The following C8orf74 variants were observed in gnomAD, a reference collection of about 807,000 sequenced individuals.
C8orf74 encodes chromosome 8 open reading frame 74, also known as uncharacterized protein C8orf74.
C8orf74 carries 29 observed loss-of-function variants against 22.2 expected under a neutral mutation model. That is an observed-to-expected ratio of 1.31 (90% CI 0.97 to 1.78). The LOEUF (loss-of-function observed/expected upper bound fraction) is 1.78, where lower values mean the gene tolerates loss of function less well. Among genes scored for constraint, C8orf74 ranks in the 40% most tolerant of loss-of-function variants. The pLI is 0.00. For synonymous variants in C8orf74, 255 were observed against 163.1 expected, an observed-to-expected ratio of 1.56 and a Z score of -4.30; for missense variants, 515 against 369.9, an observed-to-expected ratio of 1.39 and a Z score of -3.22.
intron 2 of C8orf74, among the ~76,000 whole-genome samples, chr8:10,687,634 A>T (rs866172309): frequency 1.3e-5 from 2 of 151,868 alleles, no homozygotes; most frequent in African/African-American, 2.4e-5. Flanking sequence ...AAAAAAAAAA[A>T]AAAGAAAGAG....
At chr8:10,678,832 G>T (rs143859793) in intron 2 of C8orf74, among the ~76,000 whole-genome samples, 2 of 152,148 alleles carry the variant, frequency 1.3e-5, no homozygotes, top group Admixed American at 1.3e-4. Context: ...GGCTCACCAC[G>T]GTGCCATTCA....
intron 2 of C8orf74, among the ~76,000 whole-genome samples, chr8:10,680,578 C>A (rs1277134705): frequency 1.3e-5 from 2 of 152,214 alleles, no homozygotes; most frequent in Non-Finnish European, 2.9e-5. Context: ...TGTCTACACC[C>A]TTTCTTGTCT....
intron 2 of C8orf74, among the ~76,000 whole-genome samples, chr8:10,678,287 G>A (rs1004958468): frequency 6.6e-6 from 1 of 152,178 alleles, no homozygotes; most frequent in African/African-American, 2.4e-5. Context: ...CTCTCCACCT[G>A]GGATTGTTAG....
At chr8:10,687,752 T>A (rs1799291414) in intron 2 of C8orf74, among the ~76,000 whole-genome samples, 1 of 152,090 alleles carries the variant, frequency 6.6e-6, no homozygotes, top group Non-Finnish European at 1.5e-5. Context: ...AAATTAGGAA[T>A]AACTTATTTT....
intron 2 of C8orf74, among the ~76,000 whole-genome samples, chr8:10,694,782 G>A (rs1799453791): frequency 6.6e-6 from 1 of 152,208 alleles, no homozygotes; most frequent in African/African-American, 2.4e-5. Flanking sequence ...ATGGGTGAAT[G>A]GATGGGTGGA....
chr8:10,697,085 C>A (rs1475661817), intron 2 of C8orf74, among the ~76,000 whole-genome samples: 1 of 151,832 alleles, frequency 6.6e-6, no homozygotes, highest in Non-Finnish European at 1.5e-5. Flanking sequence ...TAAGTTACTG[C>A]AAGTAAAAAA....
intron 2 of C8orf74, among the ~76,000 whole-genome samples, chr8:10,685,058 G>A (rs1478161114): frequency 1.3e-5 from 2 of 152,194 alleles, no homozygotes; most frequent in Non-Finnish European, 2.9e-5. Context: ...CACTCAAAAC[G>A]GTGCAACATC....
intron 2 of C8orf74, among the ~76,000 whole-genome samples, chr8:10,694,782 GGATGGGTGGATA>G (rs1799453828): frequency 6.6e-6 from 1 of 152,208 alleles, no homozygotes; most frequent in African/African-American, 2.4e-5. Flanking sequence ...ATGGGTGAAT[GGATGGGTGGATA>G]GATCAAAGAA....
intron 2 of C8orf74, chr8:10,690,756 G>C: frequency 2.4e-6 from 1 of 414,984 alleles, no homozygotes; most frequent in East Asian, 7.3e-5. Context: ...CCTGGTCCGA[G>C]CCGTTTCTGC....
chr8:10,673,114 C>A (rs547797580), intron 1 of C8orf74, among the ~76,000 whole-genome samples: 1 of 152,004 alleles, frequency 6.6e-6, no homozygotes, highest in Non-Finnish European at 1.5e-5. Context: ...CTCTGGGGGC[C>A]GAGGACAGGA....
chr8:10,687,139 T>C (rs926378694), intron 2 of C8orf74: 1 of 456,256 alleles, frequency 2.2e-6, no homozygotes, highest in Non-Finnish European at 4.4e-6. Context: ...AGAGGCCTGA[T>C]GATGGCAATG....
intron 2 of C8orf74, among the ~76,000 whole-genome samples, chr8:10,687,459 G>C (rs1383449743): frequency 6.6e-6 from 1 of 151,942 alleles, no homozygotes; most frequent in East Asian, 1.9e-4. Context: ...AGACCAGCCT[G>C]ACCAACATGG....
chr8:10,678,456 G>A (rs541093143), intron 2 of C8orf74, among the ~76,000 whole-genome samples: 251 of 152,316 alleles, frequency 1.6e-3, no homozygotes, highest in African/African-American at 5.5e-3. Flanking sequence ...GGGGTCACCC[G>A]CTTCAGACGG....
At chr8:10,694,603 T>G (rs761394717) in intron 2 of C8orf74, among the ~76,000 whole-genome samples, 37 of 152,246 alleles carry the variant, frequency 2.4e-4, no homozygotes, top group African/African-American at 8.7e-4. Flanking sequence ...AAGGCAAACA[T>G]AGAGTAGCTA....
intron 2 of C8orf74, among the ~76,000 whole-genome samples, chr8:10,685,690 A>T (rs947386234): frequency 2.6e-5 from 4 of 152,142 alleles, no homozygotes; most frequent in African/African-American, 9.7e-5. Context: ...CTAGTTTGGG[A>T]TGATAAGAAA....
chr8:10,680,419 T>C (rs752218386), intron 2 of C8orf74, among the ~76,000 whole-genome samples: 25 of 152,176 alleles, frequency 1.6e-4, no homozygotes, highest in Non-Finnish European at 3.5e-4. Context: ...TAATCAATGT[T>C]CGCTACCATA....
intron 3 of C8orf74, among the ~76,000 whole-genome samples, chr8:10,699,456 C>G (rs748568203): frequency 2.8e-4 from 43 of 152,232 alleles, no homozygotes; most frequent in Non-Finnish European, 5.4e-4. Flanking sequence ...AATACAAGAT[C>G]TCAAAGAAAT....
intron 2 of C8orf74, among the ~76,000 whole-genome samples, chr8:10,677,160 C>G (rs1799050288): frequency 6.6e-6 from 1 of 152,074 alleles, no homozygotes; most frequent in Admixed American, 6.5e-5. Context: ...CCCTAAGGAA[C>G]AGGGAACCCC....
chr8:10,687,878 C>T (rs1042517940), intron 2 of C8orf74, among the ~76,000 whole-genome samples: 2 of 152,056 alleles, frequency 1.3e-5, no homozygotes, highest in African/African-American at 4.8e-5. Context: ...GCCCATTTAA[C>T]AGCATCCAGA....
Sources: allele counts gnomAD v4.1 joint callset (sites outside exome capture counted in the v4.1 genomes callset), GRCh38; gene constraint gnomAD v4.1.1; transcripts MANE v1.5; gene names NCBI Gene and HGNC (gene_info 2026-07-23, HGNC 2026-07-21).